The following GAD2 variants were observed in gnomAD, a reference collection of about 807,000 sequenced individuals.
The protein encoded by GAD2 is glutamate decarboxylase 2.
GAD2 carries 22 observed loss-of-function variants against 80.1 expected under a neutral mutation model. The ratio of observed to expected loss-of-function variants is 0.27; its 90% CI spans 0.20 to 0.39. GAD2 has a LOEUF of 0.39. Ranked by LOEUF, GAD2 falls within the 10% of genes least tolerant of loss-of-function variation. The pLI is 1.00. For synonymous variants in GAD2, 274 were observed against 256.9 expected (o/e 1.07, Z -0.64); for missense variants, 624 against 738.4 (o/e 0.85, Z 1.80).
At chr10:26,292,183 C>T (rs1057461003) in intron 13 of GAD2, among the ~76,000 whole-genome samples, 8 of 152,138 alleles carry the variant, frequency 5.3e-5, no homozygotes, top group Admixed American at 2.0e-4. Context: ...ATAGCAGAGG[C>T]ACATTTTCCT....
intron 7 of GAD2, among the ~76,000 whole-genome samples, chr10:26,232,469 C>CTTTTTTTTT (rs60636223): frequency 9.9e-6 from 1 of 101,426 alleles, no homozygotes; most frequent in Non-Finnish European, 2.1e-5. Context: ...ACTCAGTCTA[C>CTTTTTTTTT]TTTTTTTTTT....
intron 3 of GAD2, among the ~76,000 whole-genome samples, chr10:26,218,551 T>TCTCTCTCTCTCACA (rs748110324): frequency 1.1e-4 from 13 of 118,858 alleles, no homozygotes; most frequent in African/African-American, 4.0e-4. Context: ...TCTCTCTCTC[T>TCTCTCTCTCTCACA]CACACACACA....
At chr10:26,236,779 A>G (rs1363905097) in intron 7 of GAD2, among the ~76,000 whole-genome samples, 1 of 152,156 alleles carries the variant, frequency 6.6e-6, no homozygotes, top group East Asian at 1.9e-4. Context: ...ACAGTGAGTG[A>G]AATTGTGGGC....
At position 26,216,818 on chromosome 10, in the gene GAD2, T is replaced by G; in HGVS notation, c.9T>G (p.Ser3=). The change falls in exon 1 of 16, where the codon TCT becomes TCG. Residue 3 remains serine, a synonymous_variant. Transcript: ENST00000376261. This position sits in a 1 kb window ranked among gnomAD's most constrained non-coding sequence, Gnocchi z 4.7. MA[S]PGSGFWSFGS... is the part of the protein sequence containing the mutation. ...TCCAGTCTCCAAAGCCGATGGCATCTCCGGGCTCTGGCTTTTGGTCTTTCG... is the reference window on the plus strand; with the variant it reads ...TCCAGTCTCCAAAGCCGATGGCATCGCCGGGCTCTGGCTTTTGGTCTTTCG... 1 of 1,612,622 alleles carries G rather than the reference T, an allele frequency of 6.2e-7. No individual in the cohort carries two copies. Among genetic ancestry groups the G allele is most frequent in the Non-Finnish European group, 8.5e-7 (1 of 1,179,438 alleles).
intron 7 of GAD2, among the ~76,000 whole-genome samples, chr10:26,234,919 CTAGAGTGCAGTGGCGCCA>C (rs1215158356): frequency 6.6e-6 from 1 of 152,168 alleles, no homozygotes; most frequent in African/African-American, 2.4e-5. Flanking sequence ...GTTACCCAGG[CTAGAGTGCAGTGGCGCCA>C]TCTCAGCTCA....
At chr10:26,277,944 A>G (rs1845230167) in intron 11 of GAD2, among the ~76,000 whole-genome samples, 1 of 152,032 alleles carries the variant, frequency 6.6e-6, no homozygotes, top group Non-Finnish European at 1.5e-5. Flanking sequence ...CAGAAGCCGC[A>G]TGACCGAATC....
intron 8 of GAD2, among the ~76,000 whole-genome samples, chr10:26,268,795 C>T (rs978184685): frequency 6.6e-6 from 1 of 152,164 alleles, no homozygotes; most frequent in African/African-American, 2.4e-5. Context: ...CATTGCCAAA[C>T]ATTTTGCTCC....
intron 9 of GAD2, 34 bp downstream of exon 9, chr10:26,269,207 A>AT (rs1435345044): frequency 2.6e-6 from 4 of 1,538,786 alleles, no homozygotes; most frequent in Admixed American, 1.9e-5. Flanking sequence ...TCCAGCCCAT[A>AT]TTTCTATTTC....
chr10:26,234,153 G>A (rs182625706), intron 7 of GAD2, among the ~76,000 whole-genome samples: 4 of 151,896 alleles, frequency 2.6e-5, no homozygotes, highest in East Asian at 1.9e-4. Flanking sequence ...GTGAAACCCC[G>A]TCTCTACTGA....
chr10:26,278,558 C>T (rs1234278158), intron 11 of GAD2, among the ~76,000 whole-genome samples: 1 of 152,176 alleles, frequency 6.6e-6, no homozygotes, highest in African/African-American at 2.4e-5. Flanking sequence ...AGGGCTTCCC[C>T]CTTAACTATT....
At chr10:26,239,911 G>GGT (rs1195405746) in intron 7 of GAD2, among the ~76,000 whole-genome samples, 1 of 152,186 alleles carries the variant, frequency 6.6e-6, no homozygotes, top group African/African-American at 2.4e-5. Context: ...CAGAAAATGA[G>GGT]GTAGGGGAGG....
chr10:26,280,320 G>T (rs576419908), intron 11 of GAD2, among the ~76,000 whole-genome samples: 14 of 152,284 alleles, frequency 9.2e-5, no homozygotes, highest in African/African-American at 3.4e-4. Flanking sequence ...AGCCTCAGGT[G>T]GTCCTGACAA....
chr10:26,236,642 G>A (rs1181840275), intron 7 of GAD2, among the ~76,000 whole-genome samples: 1 of 152,136 alleles, frequency 6.6e-6, no homozygotes, highest in Non-Finnish European at 1.5e-5. Context: ...GAGGTTTTTA[G>A]TTTCAAAAAT....
intron 12 of GAD2, 116 bp downstream of exon 12, chr10:26,281,203 A>G: frequency 1.5e-6 from 1 of 676,052 alleles, no homozygotes; most frequent in Non-Finnish European, 2.5e-6. Flanking sequence ...TCCTACTCAC[A>G]TTCCCCAGAG....
chr10:26,251,276 A>G (rs1188585139), intron 8 of GAD2, among the ~76,000 whole-genome samples: 1 of 152,154 alleles, frequency 6.6e-6, no homozygotes, highest in South Asian at 2.1e-4. Context: ...ACTTAACTGT[A>G]TAACATTTTA....
At chr10:26,245,570 T>C (rs544734491) in intron 7 of GAD2, among the ~76,000 whole-genome samples, 1 of 151,950 alleles carries the variant, frequency 6.6e-6, no homozygotes, top group Non-Finnish European at 1.5e-5. Flanking sequence ...CCTGAGTAGC[T>C]GGAATTATAG....
chr10:26,271,419 G>A (rs562215241), intron 10 of GAD2, among the ~76,000 whole-genome samples: 4 of 152,302 alleles, frequency 2.6e-5, no homozygotes, highest in African/African-American at 9.6e-5. Context: ...AGGGATTTAA[G>A]TTTAGATTAG....
intron 15 of GAD2, among the ~76,000 whole-genome samples, chr10:26,300,306 C>T (rs1026168732): frequency 3.9e-5 from 6 of 152,152 alleles, no homozygotes; most frequent in South Asian, 2.1e-4. Flanking sequence ...AAAGAGAGAA[C>T]GAAAAGAAAC....
intron 8 of GAD2, among the ~76,000 whole-genome samples, chr10:26,268,207 G>A (rs998754005): frequency 1.3e-5 from 2 of 152,324 alleles, no homozygotes; most frequent in African/African-American, 2.4e-5. Context: ...GGTGGCTTAC[G>A]CCTGTAATCC....
Sources: gnomAD v4.1 joint callset for allele counts (sites outside exome capture counted in the v4.1 genomes callset) on GRCh38, gnomAD v4.1.1 for gene constraint, Gnocchi (gnomAD v3.1) non-coding constraint, MANE v1.5 for transcripts, NCBI Gene and HGNC (gene_info 2026-07-23, HGNC 2026-07-21) for gene names.